The following PPARGC1A variants were observed in gnomAD, a reference collection of about 807,000 sequenced individuals.
The protein encoded by PPARGC1A is PPARG coactivator 1 alpha.
Under a neutral mutation model 88.7 loss-of-function variants are expected in PPARGC1A, and 25 were observed. The observed-to-expected ratio is 0.28, with a 90% CI of 0.21 to 0.39. The LOEUF (loss-of-function observed/expected upper bound fraction) is 0.39. Ranked by LOEUF, PPARGC1A falls within the 10% of genes least tolerant of loss-of-function variation. PPARGC1A has a pLI of 1.00. For synonymous variants in PPARGC1A, 363 were observed against 355.6 expected, an observed-to-expected ratio of 1.02 and a Z score of -0.24; for missense variants, 880 against 968.7, an observed-to-expected ratio of 0.91 and a Z score of 1.22.
chr4:24,200,584 G>T, the PPARGC1A span, among the ~76,000 whole-genome samples: 3 of 131,338 alleles, frequency 2.3e-5, no homozygotes, highest in Non-Finnish European at 4.7e-5. Context: ...TCTGAGATAT[G>T]AAACAGGGAA....
At chr4:23,802,377 G>A (rs1376264623) in intron 10 of PPARGC1A, 32 bp from the exon 11 acceptor site, 2 of 1,613,410 alleles carry the variant, frequency 1.2e-6, no homozygotes, top group Admixed American at 1.7e-5. Context: ...GAGTTCTGGA[G>A]TGGGAAAAAA....
At chr4:23,818,697 G>A (rs1475269720) in intron 7 of PPARGC1A, among the ~76,000 whole-genome samples, 1 of 151,784 alleles carries the variant, frequency 6.6e-6, no homozygotes, top group East Asian at 1.9e-4. Flanking sequence ...GCAAAGACAA[G>A]TTTTGTTTTG....
intron 2 of PPARGC1A, among the ~76,000 whole-genome samples, chr4:23,851,794 C>G (rs1041879066): frequency 3.9e-4 from 60 of 152,282 alleles, no homozygotes; most frequent in African/African-American, 1.3e-3. Context: ...ATTTTGCTCT[C>G]TCTTCAAACT....
At chr4:24,052,615 C>T in the PPARGC1A span, among the ~76,000 whole-genome samples, 25 of 145,172 alleles carry the variant, frequency 1.7e-4, no homozygotes, top group African/African-American at 4.6e-4. Context: ...CCAGCCTGGG[C>T]GACAGAGTGA....
At chr4:23,858,175 G>T (rs1730545103) in intron 2 of PPARGC1A, among the ~76,000 whole-genome samples, 1 of 151,994 alleles carries the variant, frequency 6.6e-6, no homozygotes, top group African/African-American at 2.4e-5. Flanking sequence ...TCTTAATTCT[G>T]TCAAAATGCA....
chr4:23,953,234 C>G, the PPARGC1A span, among the ~76,000 whole-genome samples: 1 of 152,002 alleles, frequency 6.6e-6, no homozygotes, highest in Non-Finnish European at 1.5e-5. Context: ...TATAATAATA[C>G]CCTTTCAAAG....
At chr4:24,345,228 G>A in the PPARGC1A span, among the ~76,000 whole-genome samples, 963 of 150,988 alleles carry the variant, frequency 6.4e-3, 21 homozygotes, top group African/African-American at 0.022. Context: ...GGCTTGCTTC[G>A]GCTATGTGGG....
chr4:23,998,799 G>A, the PPARGC1A span, among the ~76,000 whole-genome samples: 1 of 152,202 alleles, frequency 6.6e-6, no homozygotes, highest in African/African-American at 2.4e-5. Flanking sequence ...AAAACTTGAA[G>A]AGTCAATAGC....
At chr4:23,804,707 A>C (rs1719448904) in intron 10 of PPARGC1A, among the ~76,000 whole-genome samples, 1 of 152,118 alleles carries the variant, frequency 6.6e-6, no homozygotes, top group Non-Finnish European at 1.5e-5. Flanking sequence ...TTCCAGCCAC[A>C]CTGAGCTTCT....
the PPARGC1A span, among the ~76,000 whole-genome samples, chr4:24,349,869 C>T: frequency 6.6e-6 from 1 of 152,242 alleles, no homozygotes; most frequent in African/African-American, 2.4e-5. Flanking sequence ...AGAATTCCTT[C>T]TCCCTGTGGA....
the PPARGC1A span, among the ~76,000 whole-genome samples, chr4:24,061,969 A>T: frequency 1.1e-3 from 170 of 152,300 alleles, 1 homozygote; most frequent in Non-Finnish European, 1.4e-3. Context: ...TTCAGGAAGA[A>T]GTGGTGAAGG....
the PPARGC1A span, among the ~76,000 whole-genome samples, chr4:24,215,929 G>C: frequency 6.6e-6 from 1 of 152,084 alleles, no homozygotes; most frequent in Non-Finnish European, 1.5e-5. Flanking sequence ...ACTAGAAAAA[G>C]TGAGATAAAT....
At chr4:24,048,617 A>G in the PPARGC1A span, among the ~76,000 whole-genome samples, 2 of 152,224 alleles carry the variant, frequency 1.3e-5, no homozygotes, top group Non-Finnish European at 2.9e-5. Flanking sequence ...AGTCTTGCCA[A>G]TATTGATGAA....
the PPARGC1A span, among the ~76,000 whole-genome samples, chr4:24,217,808 A>G: frequency 1.3e-5 from 2 of 152,020 alleles, no homozygotes; most frequent in African/African-American, 4.8e-5. Flanking sequence ...ATCATGAAAA[A>G]ATAATAATAA....
At chr4:23,905,521 C>A (rs1719931219), upstream of PPARGC1A, among the ~76,000 whole-genome samples, 2 of 152,190 alleles carry the variant, frequency 1.3e-5, no homozygotes, top group South Asian at 4.1e-4. Flanking sequence ...TTTACAAATG[C>A]AGCCTTCTCT....
chr4:23,814,405 T>C lies in PPARGC1A; in HGVS notation c.1078A>G (p.Lys360Glu). 1 of 1,613,866 alleles carries C rather than the reference T, an allele frequency of 6.2e-7. No individual in the cohort carries two copies. The change falls in exon 8 of 13, where the codon AAG becomes GAG. Residue 360 changes from lysine to glutamate, a missense_variant. Transcript: ENST00000264867. ...EQSELYAQLS[K>E]SSVLTGGHEE... ...TGTCCACCAGTGAGGACTGAGGACT[T>C]GCTGAGTTGTGCATACAACTCGGAT...
At chr4:24,314,148 G>A in the PPARGC1A span, among the ~76,000 whole-genome samples, 1 of 152,212 alleles carries the variant, frequency 6.6e-6, no homozygotes, top group East Asian at 1.9e-4. Flanking sequence ...TACAATAAAT[G>A]TGTAATATGG....
the PPARGC1A span, among the ~76,000 whole-genome samples, chr4:24,031,981 C>A: frequency 8.5e-4 from 129 of 152,312 alleles, no homozygotes; most frequent in African/African-American, 2.9e-3. Context: ...AGCAGAAGCC[C>A]CAGGCCTCTT....
the PPARGC1A span, among the ~76,000 whole-genome samples, chr4:24,142,800 G>C: frequency 3.5e-4 from 54 of 152,318 alleles, no homozygotes; most frequent in Middle Eastern, 3.4e-3. Context: ...TTTCCAGAGA[G>C]ATGGAGTAGG....
Sources: allele counts gnomAD v4.1 joint callset (sites outside exome capture counted in the v4.1 genomes callset), GRCh38; gene constraint gnomAD v4.1.1; transcripts MANE v1.5; gene names NCBI Gene and HGNC (gene_info 2026-07-23, HGNC 2026-07-21).